Variants in CECR2 observed in about 807,000 individuals in gnomAD.
CECR2 encodes CECR2 histone acetyl-lysine reader, also known as chromatin remodeling regulator CECR2.
CECR2 carries 30 observed loss-of-function variants against 154.5 expected under a neutral mutation model. That is an observed-to-expected ratio of 0.19 (90% CI 0.15 to 0.26). CECR2 has a LOEUF of 0.26. Among genes scored for constraint, CECR2 ranks in the 10% least tolerant of loss-of-function variants. The pLI, the probability that CECR2 is intolerant of heterozygous loss-of-function variation, is 1.00. For missense variants in CECR2, 1,743 were observed against 1,829.3 expected, an observed-to-expected ratio of 0.95 and a Z score of 0.86; for synonymous variants, 725 against 683.7, an observed-to-expected ratio of 1.06 and a Z score of -0.94.
At chr22:17,468,344 T>G (rs1456149786) in intron 1 of CECR2, among the ~76,000 whole-genome samples, 2 of 152,148 alleles carry the variant, frequency 1.3e-5, no homozygotes, top group Non-Finnish European at 2.9e-5. Context: ...GTGATTGTGT[T>G]CAAGTCACCA....
intron 1 of CECR2, among the ~76,000 whole-genome samples, chr22:17,370,318 G>GC (rs1250042951): frequency 2.1e-5 from 3 of 142,520 alleles, no homozygotes; most frequent in African/African-American, 8.1e-5. Context: ...GGGGCCGGGC[G>GC]CGGGGGGGGG....
rs947142622 is a variant in CECR2, at chr22:17,548,273, C to A, written c.2986C>A (p.Gln996Lys). ...TGACTGCACCAGGCAGAGCTCACCA[C>A]AAGAAAGGGAAACAGTGGGCCCGGA... ...QTDCTRQSSP[Q>K]ERETVGPELK... The change falls in exon 17 of 19, where the codon CAA (glutamine) becomes AAA (lysine). Residue 996 changes from glutamine (Q) to lysine (K), a missense_variant. Around this residue, in one of 4 missense-constraint regions of CECR2, gnomAD observed 1,250 missense variants for 1,192.1 expected, o/e 1.05. Coordinates refer to ENST00000262608, the MANE Select transcript of CECR2 (RefSeq NM_001290047.2). 6.2e-7 allele frequency: 1 copy of A among 1,607,092 alleles called. No individual in the cohort carries two copies. Among genetic ancestry groups the A allele is most frequent in the African/African-American group, 1.3e-5 (1 of 74,598 alleles).
At chr22:17,413,570 CAGTATGACATT>C (rs2054098164) in intron 1 of CECR2, among the ~76,000 whole-genome samples, 1 of 152,024 alleles carries the variant, frequency 6.6e-6, no homozygotes, top group Non-Finnish European at 1.5e-5. Flanking sequence ...ATTTAGTATT[CAGTATGACATT>C]TTGGGCCTGC....
At chr22:17,473,158 T>C (rs2055155836) in intron 1 of CECR2, among the ~76,000 whole-genome samples, 2 of 152,186 alleles carry the variant, frequency 1.3e-5, no homozygotes, top group Non-Finnish European at 2.9e-5. Context: ...CTTCAGCTAC[T>C]CTCTGAAGCT....
chr22:17,499,370 T>C, intron 3 of CECR2, 40 bp from the exon 4 acceptor site: 9 of 1,586,112 alleles, frequency 5.7e-6, no homozygotes, highest in Non-Finnish European at 7.7e-6. Flanking sequence ...GTGCGTTTTG[T>C]TCCCCATTTC....
At chr22:17,477,193 A>G in intron 1 of CECR2, 1 of 714,966 alleles carries the variant, frequency 1.4e-6, no homozygotes. Context: ...ATAAACAATT[A>G]CATGAGCACT....
chr22:17,421,619 A>AAT lies in CECR2; in HGVS notation c.126+51711_126+51712insTA, dbSNP rs2054252519. Among the ~76,000 whole-genome samples the AAT allele has an allele frequency of 3.1e-5, 4 of 129,824 alleles. No homozygotes were observed. In the South Asian group the frequency reaches 9.7e-4, roughly 31 times the overall value. 85.2% of individuals were successfully genotyped at this position (129,824 alleles called of 152,430 possible). A position where few individuals can be genotyped will look rare whatever the true frequency, so the allele number is the denominator to read the frequency against. On this transcript the variant is annotated intron_variant, in intron 1 of 18. Coordinates refer to ENST00000262608, the MANE Select transcript of CECR2 (RefSeq NM_001290047.2). Reference sequence around the variant, plus strand: ...GACAGAGCGAGACTCCGTCTCAAAAAAAAAAAAAAAAAAAAAAAAAAAAAT... The same window carrying AAT: ...GACAGAGCGAGACTCCGTCTCAAAAAATAAAAAAAAAAAAAAAAAAAAAAAAT...
chr22:17,429,674 T>C (rs533377016), intron 1 of CECR2, among the ~76,000 whole-genome samples: 1 of 152,182 alleles, frequency 6.6e-6, no homozygotes, highest in South Asian at 2.1e-4. Flanking sequence ...CTATACAGCG[T>C]TGGATGAGTT....
intron 1 of CECR2, among the ~76,000 whole-genome samples, chr22:17,460,589 C>T (rs1292753304): frequency 6.6e-6 from 1 of 152,220 alleles, no homozygotes; most frequent in Non-Finnish European, 1.5e-5. Flanking sequence ...TGTCTTGATT[C>T]TGGGGCTTCA....
intron 1 of CECR2, among the ~76,000 whole-genome samples, chr22:17,445,910 A>G (rs990589759): frequency 6.6e-6 from 1 of 152,140 alleles, no homozygotes; most frequent in African/African-American, 2.4e-5. Context: ...TCTCTAGATT[A>G]CACAATGTAA....
intron 1 of CECR2, among the ~76,000 whole-genome samples, chr22:17,373,095 C>G (rs1467323363): frequency 6.6e-6 from 1 of 152,118 alleles, no homozygotes; most frequent in Non-Finnish European, 1.5e-5. Context: ...CGGAGTCTCA[C>G]TCTGTTGCCC....
intron 5 of CECR2, among the ~76,000 whole-genome samples, chr22:17,501,900 G>C (rs1343887990): frequency 1.3e-5 from 2 of 152,092 alleles, no homozygotes; most frequent in Non-Finnish European, 2.9e-5. Context: ...TTCCTTTAGA[G>C]CTGTGTGTGT....
At chr22:17,390,350 C>T (rs1282925620) in intron 1 of CECR2, among the ~76,000 whole-genome samples, 2 of 152,196 alleles carry the variant, frequency 1.3e-5, no homozygotes, top group East Asian at 1.9e-4. Context: ...TCAGCAGTTA[C>T]ATCACTTTCA....
intron 1 of CECR2, among the ~76,000 whole-genome samples, chr22:17,406,258 C>T (rs750569467): frequency 6.6e-6 from 1 of 152,300 alleles, no homozygotes; most frequent in African/African-American, 2.4e-5. Context: ...TGGTGGCTCA[C>T]GCCTGTAATC....
chr22:17,393,740 C>T (rs1224639603), intron 1 of CECR2, among the ~76,000 whole-genome samples: 1 of 152,056 alleles, frequency 6.6e-6, no homozygotes, highest in East Asian at 1.9e-4. Flanking sequence ...TTTGTACTTC[C>T]CTCATGCTTA....
intron 8 of CECR2, among the ~76,000 whole-genome samples, chr22:17,516,270 C>T (rs2056052975): frequency 7.1e-6 from 1 of 141,266 alleles, no homozygotes; most frequent in African/African-American, 2.6e-5. Flanking sequence ...CATACATATA[C>T]ACATTTATTA....
At chr22:17,379,847 C>T (rs2063166149) in intron 1 of CECR2, among the ~76,000 whole-genome samples, 1 of 152,004 alleles carries the variant, frequency 6.6e-6, no homozygotes, top group Non-Finnish European at 1.5e-5. Flanking sequence ...CAGTCTAGTG[C>T]ACTGTGAAGG....
At chr22:17,477,906 C>G (rs1383575365) in intron 2 of CECR2, among the ~76,000 whole-genome samples, 1 of 152,132 alleles carries the variant, frequency 6.6e-6, no homozygotes, top group East Asian at 1.9e-4. Context: ...CTCACAAATC[C>G]ATATCACTTA....
chr22:17,462,077 C>A (rs1242826304), intron 1 of CECR2, among the ~76,000 whole-genome samples: 3 of 151,928 alleles, frequency 2.0e-5, no homozygotes, highest in Admixed American at 2.0e-4. Context: ...AGGCATGAGC[C>A]ACCATGCTCG....
Sources: allele counts gnomAD v4.1 joint callset (sites outside exome capture counted in the v4.1 genomes callset), GRCh38; gene constraint gnomAD v4.1.1; regional missense constraint gnomAD v4.1.1; transcripts MANE v1.5; gene names NCBI Gene and HGNC (gene_info 2026-07-23, HGNC 2026-07-21).